Variants in SMOC2 observed in about 807,000 individuals in gnomAD.
SMOC2 encodes SPARC-related modular calcium-binding protein 2.
SMOC2 carries 39 observed loss-of-function variants against 61.4 expected under a neutral mutation model. That is an observed-to-expected ratio of 0.64 (90% CI 0.49 to 0.83). The LOEUF is 0.83. SMOC2 is among the 40% of genes least tolerant of loss of function. The pLI is 0.00. For missense variants in SMOC2, 556 were observed against 592.9 expected (o/e 0.94, Z 0.65); for synonymous variants, 247 against 239.9 (o/e 1.03, Z -0.27).
At chr6:168,585,730 T>C (rs1785032603) in intron 7 of SMOC2, among the ~76,000 whole-genome samples, 1 of 152,264 alleles carries the variant, frequency 6.6e-6, no homozygotes. Flanking sequence ...GGTGATGTTT[T>C]ACCTGCATTG....
At chr6:168,491,193 C>T (rs748882737) in intron 1 of SMOC2, among the ~76,000 whole-genome samples, 1 of 152,160 alleles carries the variant, frequency 6.6e-6, no homozygotes, top group East Asian at 1.9e-4. Context: ...TGAGTAATGC[C>T]GTGTTTTTGA....
rs1001105036 is a variant in SMOC2, at chr6:168,618,119, G to A, written c.907+9880G>A. Among the ~76,000 whole-genome samples, 5 of 152,350 alleles carry A rather than the reference G, an allele frequency of 3.3e-5. No individual in the cohort carries two copies. In the East Asian group the frequency reaches 7.7e-4, roughly 24 times the overall value. ...CTGCATGGGAGTGGCCTGGACCATC[G>A]CCCCAGGGCCCAGTGCTCCAACAGG... On this transcript the variant is annotated intron_variant, in intron 9 of 12. Coordinates refer to ENST00000356284, the MANE Select transcript of SMOC2 (RefSeq NM_001166412.2).
intron 7 of SMOC2, among the ~76,000 whole-genome samples, chr6:168,579,235 G>A (rs753149): frequency 0.1 from 15,471 of 149,926 alleles, 1,378 homozygotes; most frequent in African/African-American, 0.24. Flanking sequence ...CTATTTTGAT[G>A]TTTCCTTTTT....
intron 4 of SMOC2, among the ~76,000 whole-genome samples, chr6:168,532,091 G>A (rs1783619037): frequency 6.6e-6 from 1 of 152,184 alleles, no homozygotes; most frequent in South Asian, 2.1e-4. Context: ...AGAGATGTAT[G>A]TGCTTCTCAG....
chr6:168,461,104 T>C (rs1781710961), intron 1 of SMOC2, among the ~76,000 whole-genome samples: 1 of 152,212 alleles, frequency 6.6e-6, no homozygotes, highest in African/African-American at 2.4e-5. Context: ...GGGCTTACAG[T>C]TCCATGTGGG....
At chr6:168,626,225 G>C (rs1027083136) in intron 9 of SMOC2, among the ~76,000 whole-genome samples, 3 of 152,120 alleles carry the variant, frequency 2.0e-5, no homozygotes, top group African/African-American at 4.8e-5. Context: ...CTCACTCCTC[G>C]CACAGACTCA....
chr6:168,609,801 C>T (rs1014061410), intron 9 of SMOC2, among the ~76,000 whole-genome samples: 5 of 152,170 alleles, frequency 3.3e-5, no homozygotes, highest in African/African-American at 9.7e-5. Flanking sequence ...CTTGAAGAGT[C>T]CAAGATTCTT....
intron 1 of SMOC2, among the ~76,000 whole-genome samples, chr6:168,500,976 C>T (rs541665830): frequency 2.4e-4 from 37 of 152,292 alleles, no homozygotes; most frequent in African/African-American, 8.7e-4. Context: ...ACAGAGTGGG[C>T]ATTGCTTATG....
intron 1 of SMOC2, among the ~76,000 whole-genome samples, chr6:168,497,899 A>T (rs146015595): frequency 9.2e-5 from 14 of 152,296 alleles, no homozygotes; most frequent in African/African-American, 3.4e-4. Flanking sequence ...CACTGCCTTT[A>T]GATGGAGACA....
At chr6:168,521,964 AT>A (rs942727987) in intron 2 of SMOC2, among the ~76,000 whole-genome samples, 3 of 152,214 alleles carry the variant, frequency 2.0e-5, no homozygotes, top group Non-Finnish European at 4.4e-5. Flanking sequence ...AAGAGCAAAC[AT>A]TTTCTAAAAA....
chr6:168,454,975 A>G (rs1162879659), intron 1 of SMOC2, among the ~76,000 whole-genome samples: 1 of 151,928 alleles, frequency 6.6e-6, no homozygotes. Context: ...GTGGCTCTCA[A>G]GATGACTCCA....
chr6:168,507,471 A>G (rs1042869575), intron 1 of SMOC2, among the ~76,000 whole-genome samples: 2 of 152,288 alleles, frequency 1.3e-5, no homozygotes, highest in African/African-American at 4.8e-5. Context: ...ATCCTCAAGT[A>G]CCTGTGAGGC....
intron 8 of SMOC2, among the ~76,000 whole-genome samples, chr6:168,601,122 C>T (rs906445755): frequency 6.6e-6 from 1 of 152,216 alleles, no homozygotes; most frequent in African/African-American, 2.4e-5. Context: ...AACTGTTTTC[C>T]AAATTTGTCA....
chr6:168,558,861 ATGTGTGTGCATGTGTGTGCG>A (rs1784315223), intron 7 of SMOC2, among the ~76,000 whole-genome samples: 1 of 104,816 alleles, frequency 9.5e-6, no homozygotes, highest in African/African-American at 6.7e-5. Context: ...GCGTGTGCGC[ATGTGTGTGCATGTGTGTGCG>A]TGTGTGCGTG....
intron 2 of SMOC2, among the ~76,000 whole-genome samples, chr6:168,511,737 G>A (rs1783012984): frequency 6.6e-6 from 1 of 151,284 alleles, no homozygotes. Context: ...CACAGACTCC[G>A]GATTTAAAGG....
intron 7 of SMOC2, among the ~76,000 whole-genome samples, chr6:168,567,562 A>C (rs2115135467): frequency 6.6e-6 from 1 of 152,258 alleles, no homozygotes; most frequent in South Asian, 2.1e-4. Flanking sequence ...GTATATGCTC[A>C]ATAAAATATT....
At chr6:168,592,138 C>A (rs902667194) in intron 7 of SMOC2, among the ~76,000 whole-genome samples, 17 of 152,240 alleles carry the variant, frequency 1.1e-4, no homozygotes, top group Non-Finnish European at 8.8e-5. Context: ...GTGACTCCAC[C>A]ATGATCCTTG....
chr6:168,622,725 T>C (rs372888254), intron 9 of SMOC2, among the ~76,000 whole-genome samples: 18 of 152,248 alleles, frequency 1.2e-4, no homozygotes, highest in East Asian at 9.7e-4. Context: ...ATTTCTCTAA[T>C]CCACACTTCC....
intron 9 of SMOC2, among the ~76,000 whole-genome samples, chr6:168,631,273 G>A (rs368456560): frequency 5.9e-5 from 9 of 152,218 alleles, no homozygotes; most frequent in South Asian, 2.1e-4. Flanking sequence ...AAGAACCTAC[G>A]TGAATTTCGG....
Sources: gnomAD v4.1 joint callset for allele counts (sites outside exome capture counted in the v4.1 genomes callset) on GRCh38, gnomAD v4.1.1 for gene constraint, MANE v1.5 for transcripts, NCBI Gene and HGNC (gene_info 2026-07-23, HGNC 2026-07-21) for gene names.